The following COBL variants were observed in gnomAD, a reference collection of about 807,000 sequenced individuals.
The protein encoded by COBL is cordon-bleu WH2 repeat protein.
COBL carries 51 observed loss-of-function variants against 98.8 expected under a neutral mutation model. That is an observed-to-expected ratio of 0.52 (90% CI 0.41 to 0.65). The LOEUF (loss-of-function observed/expected upper bound fraction) is 0.65, where lower values mean the gene tolerates loss of function less well. COBL is among the 30% of genes least tolerant of loss of function. The probability of loss-of-function intolerance (pLI) is 0.00; values close to 1 mark genes in which losing one functional copy is unlikely to be tolerated. For synonymous variants in COBL, 634 were observed against 651.7 expected (o/e 0.97, Z 0.41); for missense variants, 1,617 against 1,617.5 (o/e 1.00, Z 0.01).
intron 7 of COBL, among the ~76,000 whole-genome samples, chr7:51,060,618 T>C (rs566942808): frequency 1.3e-5 from 2 of 152,306 alleles, no homozygotes; most frequent in African/African-American, 2.4e-5. Context: ...GTTTCTCCCA[T>C]AGGGTCCAGG....
At chr7:51,279,135 C>T (rs1053182057) in intron 1 of COBL, among the ~76,000 whole-genome samples, 3 of 152,228 alleles carry the variant, frequency 2.0e-5, no homozygotes, top group African/African-American at 7.2e-5. Context: ...CACAGAGAGG[C>T]TGCCTGACAA....
chr7:51,062,798 G>T (rs940482713), intron 7 of COBL, among the ~76,000 whole-genome samples: 2 of 152,324 alleles, frequency 1.3e-5, no homozygotes, highest in Admixed American at 6.5e-5. Context: ...TCTGCAGGGG[G>T]TGGCATGAGC....
intron 6 of COBL, among the ~76,000 whole-genome samples, chr7:51,135,547 T>C (rs1799152778): frequency 6.6e-6 from 1 of 152,104 alleles, no homozygotes; most frequent in South Asian, 2.1e-4. Flanking sequence ...TATCTGCTGC[T>C]ATAACTTTTT....
rs3047166 is a variant in COBL at position 51,170,506 on chromosome 7, GAT to G, written c.783+13594_783+13595del. 7.7e-3 allele frequency among the ~76,000 whole-genome samples: 1,016 copies of G among 131,908 alleles called. 7 individuals are homozygous for G. Among genetic ancestry groups the G allele is most frequent in the Non-Finnish European group, 9.3e-3 (581 of 62,466 alleles). 86.5% of individuals were successfully genotyped at this position (131,908 alleles called of 152,430 possible). A position where few individuals can be genotyped will look rare whatever the true frequency, so the allele number is the denominator to read the frequency against. On this transcript the variant is annotated intron_variant, in intron 5 of 12. Coordinates refer to ENST00000265136, the MANE Select transcript of COBL (RefSeq NM_015198.5). ...GCTCTGAAACAAAACCTGACACTGTGATATATATATATATATATATATATAAA... is the reference window on the plus strand; with the variant it reads ...GCTCTGAAACAAAACCTGACACTGTGATATATATATATATATATATATAAA...
In COBL at chr7:51,029,275, G is replaced by T. The variant is rs779616198; in HGVS notation, c.1821C>A (p.Val607=). The T allele has an allele frequency of 5.0e-6, 8 of 1,608,086 alleles. No individual in the cohort carries two copies. Among genetic ancestry groups the T allele is most frequent in the Admixed American group, 1.7e-5 (1 of 59,590 alleles). ...VPALHPASHD[V]GKGIRVALSN... ...ATAAGGCCACACGGATTCCTTTTCCGACGTCATGGGAAGCGGGGTGCAGGG... is the reference window on the plus strand; with the variant it reads ...ATAAGGCCACACGGATTCCTTTTCCTACGTCATGGGAAGCGGGGTGCAGGG... Residue 607 remains valine (V), a synonymous_variant, in exon 10 of 13, where the codon GTC becomes GTA. Coordinates refer to ENST00000265136, the MANE Select transcript of COBL (RefSeq NM_015198.5).
At chr7:51,311,078 G>A (rs1289044718) in intron 1 of COBL, among the ~76,000 whole-genome samples, 1 of 151,816 alleles carries the variant, frequency 6.6e-6, no homozygotes, top group Non-Finnish European at 1.5e-5. Context: ...AAAAGTATTT[G>A]TACAAAAGTA....
intron 6 of COBL, among the ~76,000 whole-genome samples, chr7:51,115,898 T>C (rs1013282457): frequency 6.6e-6 from 1 of 152,096 alleles, no homozygotes; most frequent in African/African-American, 2.4e-5. Context: ...GTTCTGTTAT[T>C]AGGTACATAC....
At chr7:51,037,395 C>CTT in intron 8 of COBL, among the ~76,000 whole-genome samples, 1 of 152,236 alleles carries the variant, frequency 6.6e-6, no homozygotes, top group South Asian at 2.1e-4. Context: ...CCACTGCCAG[C>CTT]CATGGGCAGT....
intron 7 of COBL, among the ~76,000 whole-genome samples, chr7:51,049,410 G>A (rs1790024066): frequency 6.6e-6 from 1 of 152,178 alleles, no homozygotes; most frequent in Non-Finnish European, 1.5e-5. Flanking sequence ...CTGGTCACAG[G>A]TGAGTTCTCA....
chr7:51,289,147 A>G (rs906833934), intron 1 of COBL, among the ~76,000 whole-genome samples: 2 of 152,204 alleles, frequency 1.3e-5, no homozygotes, highest in Non-Finnish European at 2.9e-5. Context: ...TGATTGTTTC[A>G]TAACAGTTTC....
chr7:51,204,638 C>G (rs1276935776), intron 2 of COBL, among the ~76,000 whole-genome samples: 2 of 151,530 alleles, frequency 1.3e-5, no homozygotes, highest in Non-Finnish European at 2.9e-5. Context: ...GCAACCTCCG[C>G]CTCCCGGGTT....
At chr7:51,123,083 G>C (rs765431889) in intron 6 of COBL, among the ~76,000 whole-genome samples, 1 of 152,032 alleles carries the variant, frequency 6.6e-6, no homozygotes, top group South Asian at 2.1e-4. Flanking sequence ...TTTATTTGTT[G>C]TCCCTATCAA....
rs1799798895 is a variant in COBL at position 51,281,293 on chromosome 7, CCTATGGG to C, written c.41+35293_41+35299del. ...CTGTAAAAATGAACAGGCATAGGGA[CCTATGGG>C]GCAATACCAACAGGTCTAATTTTCA... On this transcript the variant is annotated intron_variant, in intron 1 of 12. Coordinates refer to ENST00000265136, the MANE Select transcript of COBL (RefSeq NM_015198.5). Among the ~76,000 whole-genome samples the C allele has an allele frequency of 2.0e-5, 3 of 152,100 alleles. No individual in the cohort carries two copies. The East Asian group carries it at 5.8e-4, about 29-fold the overall frequency.
At chr7:51,049,433 C>G (rs1465746352) in intron 7 of COBL, among the ~76,000 whole-genome samples, 1 of 152,106 alleles carries the variant, frequency 6.6e-6, no homozygotes, top group Non-Finnish European at 1.5e-5. Flanking sequence ...CACATGAATT[C>G]CAGGAAAGAA....
chr7:51,103,605 A>G (rs1372070047), intron 6 of COBL, among the ~76,000 whole-genome samples: 1 of 152,100 alleles, frequency 6.6e-6, no homozygotes, highest in Non-Finnish European at 1.5e-5. Context: ...TTACCATTTT[A>G]CTTTAAATAA....
intron 8 of COBL, chr7:51,035,743 T>C (rs1788570085): frequency 6.6e-6 from 1 of 152,230 alleles, no homozygotes; most frequent in Non-Finnish European, 1.5e-5. Context: ...CCAGATTTGA[T>C]GTATATTTTA....
At chr7:51,138,970 C>T (rs1479309986) in intron 5 of COBL, among the ~76,000 whole-genome samples, 4 of 152,124 alleles carry the variant, frequency 2.6e-5, no homozygotes, top group African/African-American at 9.7e-5. Context: ...TGTGAATCCA[C>T]CTCTGTCCTG....
At chr7:51,286,404 T>C (rs1428145838) in intron 1 of COBL, among the ~76,000 whole-genome samples, 2 of 100,130 alleles carry the variant, frequency 2.0e-5, no homozygotes, top group African/African-American at 7.5e-5. Context: ...TTCAAGTAAC[T>C]AAAAAAAAAA....
At chr7:51,249,872 C>T (rs1420175715) in intron 1 of COBL, among the ~76,000 whole-genome samples, 4 of 152,058 alleles carry the variant, frequency 2.6e-5, no homozygotes, top group Non-Finnish European at 4.4e-5. Context: ...GAGGTTGAGG[C>T]GGGCAGATCA....
Sources: allele counts gnomAD v4.1 joint callset (sites outside exome capture counted in the v4.1 genomes callset), GRCh38; gene constraint gnomAD v4.1.1; transcripts MANE v1.5; gene names NCBI Gene and HGNC (gene_info 2026-07-23, HGNC 2026-07-21).